RGS3: variants seen among roughly 807,000 people sequenced by gnomAD.
RGS3 encodes regulator of G protein signaling 3.
In RGS3, 80 loss-of-function variants were observed where a neutral mutation model predicts 132.6. The observed-to-expected ratio is 0.60, with a 90% CI of 0.50 to 0.73. The LOEUF is 0.73. Among genes scored for constraint, RGS3 ranks in the 30% least tolerant of loss-of-function variants. The pLI, the probability that RGS3 is intolerant of heterozygous loss-of-function variation, is 0.00. For synonymous variants in RGS3, 598 were observed against 620.6 expected, an observed-to-expected ratio of 0.96 and a Z score of 0.54; for missense variants, 1,382 against 1,530.8, an observed-to-expected ratio of 0.90 and a Z score of 1.62.
At chr9:113,584,350 A>G (rs1476493033) in exon 20 of RGS3, 1 of 1,579,902 alleles carries the variant, frequency 6.3e-7, no homozygotes, top group Non-Finnish European at 8.6e-7. Flanking sequence ...GCCTTCGCCC[A>G]GCACCCTCAA....
intron 21 of RGS3, chr9:113,593,841 T>C: frequency 7.1e-7 from 1 of 1,410,734 alleles, no homozygotes; most frequent in Non-Finnish European, 9.7e-7. Context: ...TGGTGGGCAG[T>C]GCCTCCCCTG....
chr9:113,475,920 A>C (rs571873102), intron 3 of RGS3, among the ~76,000 whole-genome samples: 1 of 150,992 alleles, frequency 6.6e-6, no homozygotes, highest in African/African-American at 2.4e-5. Context: ...GCTGCCCTCT[A>C]TTTTTTTTCT....
chr9:113,519,002 C>T (rs1227548560), intron 16 of RGS3, among the ~76,000 whole-genome samples: 1 of 152,206 alleles, frequency 6.6e-6, no homozygotes, highest in Non-Finnish European at 1.5e-5. Context: ...ATTCACTCTT[C>T]TGTTTGTCCA....
chr9:113,593,769 C>T (rs1002592678), intron 21 of RGS3: 5 of 720,238 alleles, frequency 6.9e-6, no homozygotes, highest in Non-Finnish European at 1.2e-5. Context: ...CTGCTGCCTC[C>T]TTGGGGACCG....
At chr9:113,517,766 A>C in intron 16 of RGS3, 142 bp downstream of exon 14, 1 of 602,690 alleles carries the variant, frequency 1.7e-6, no homozygotes, top group Non-Finnish European at 2.9e-6. Flanking sequence ...GGACCCCGCC[A>C]CTCTCCCTAG....
intron 17 of RGS3, among the ~76,000 whole-genome samples, chr9:113,528,547 C>T (rs780082714): frequency 2.6e-5 from 4 of 152,222 alleles, no homozygotes; most frequent in African/African-American, 7.2e-5. Context: ...ATCACCTTCC[C>T]TCGGCGTTGA....
intron 19 of RGS3, among the ~76,000 whole-genome samples, chr9:113,568,091 A>C (rs1331654664): frequency 3.9e-5 from 6 of 152,254 alleles, no homozygotes; most frequent in Admixed American, 3.9e-4. Context: ...AACTATAGAT[A>C]GATAGATAGA....
chr9:113,537,578 T>G lies in RGS3; in HGVS notation c.2037+660T>G, dbSNP rs535020393. ...ATGCCAGCCACAAAGTACAGTTATATTACCCCATTTGTGAGTCATTCAGGT... is the reference window on the plus strand; with the variant it reads ...ATGCCAGCCACAAAGTACAGTTATAGTACCCCATTTGTGAGTCATTCAGGT... On this transcript the variant is annotated intron_variant, in intron 19 of 24. Coordinates refer to ENST00000350696, the Ensembl canonical transcript of RGS3. The surrounding 1 kb of genome is among the most constrained non-coding windows in gnomAD (Gnocchi z 4.3). 7.2e-5 allele frequency among the ~76,000 whole-genome samples: 11 copies of G among 152,330 alleles called. No individual in the cohort carries two copies. In the South Asian group the frequency reaches 1.7e-3, roughly 23 times the overall value.
intron 11 of RGS3, 124 bp downstream of exon 9, chr9:113,505,647 A>G (rs1361950744): frequency 1.4e-6 from 1 of 719,120 alleles, no homozygotes; most frequent in Non-Finnish European, 2.4e-6. Flanking sequence ...TTTCAAAATG[A>G]AAAGAATAAT....
Position 113,537,505 on chromosome 9 carries a change from G to A in RGS3, c.2037+587G>A, listed in dbSNP as rs1321211206. Among the ~76,000 whole-genome samples, 2 of 152,182 alleles carry A rather than the reference G, an allele frequency of 1.3e-5. No homozygotes were observed. Among genetic ancestry groups the A allele is most frequent in the Non-Finnish European group, 2.9e-5 (2 of 68,024 alleles). ...CAGCCCATCCAGTGCCTGGGGAGAG[G>A]GGATGGGATAGGAGCTGGACCACAC... On this transcript the variant is annotated intron_variant, in intron 19 of 24. Coordinates refer to ENST00000350696, the Ensembl canonical transcript of RGS3. The surrounding 1 kb of genome is among the most constrained non-coding windows in gnomAD (Gnocchi z 4.3).
chr9:113,512,656 T>G (rs1177237167), intron 14 of RGS3, among the ~76,000 whole-genome samples: 1 of 152,132 alleles, frequency 6.6e-6, no homozygotes, highest in African/African-American at 2.4e-5. Context: ...AGGCCACCTG[T>G]TCCCCCCTCG....
chr9:113,559,684 G>A (rs1833712795), intron 19 of RGS3, among the ~76,000 whole-genome samples: 1 of 152,204 alleles, frequency 6.6e-6, no homozygotes, highest in African/African-American at 2.4e-5. Flanking sequence ...CATGCTGCCT[G>A]CTGGGCTTCC....
Position 113,463,828 on chromosome 9 carries a change from C to G in RGS3, c.415+1627C>G. The G allele has an allele frequency of 6.2e-7, 1 of 1,612,978 alleles. No individual in the cohort carries two copies. Among genetic ancestry groups the G allele is most frequent in the African/African-American group, 1.3e-5 (1 of 75,042 alleles). On this transcript the variant is annotated intron_variant, in intron 3 of 24. Transcript: ENST00000350696. The surrounding 1 kb of genome is among the most constrained non-coding windows in gnomAD (Gnocchi z 4.6). ...ATGGAGCGCTCCCTGCACCGCGTCT[C>G]CCTCGGGAGCCGGCGTGCCCACCCG...
chr9:113,511,038 A>G lies in RGS3; in HGVS notation c.1477+2458A>G, dbSNP rs769056871. ...CCTTCAGGAGTGTTGGGTCATCCTGAGTTGAATAGGAGGGAGAGTTAAGCC... is the reference window on the plus strand; with the variant it reads ...CCTTCAGGAGTGTTGGGTCATCCTGGGTTGAATAGGAGGGAGAGTTAAGCC... On this transcript the variant is annotated intron_variant, in intron 14 of 24. Coordinates refer to ENST00000350696, the Ensembl canonical transcript of RGS3. Among the ~76,000 whole-genome samples, 95 of 152,110 alleles carry G rather than the reference A, an allele frequency of 6.2e-4. No homozygotes were observed. The Middle Eastern group carries it at 0.014, about 22-fold the overall frequency.
chr9:113,515,678 A>G (rs552432526), intron 15 of RGS3, among the ~76,000 whole-genome samples: 102 of 152,312 alleles, frequency 6.7e-4, no homozygotes, highest in Middle Eastern at 6.8e-3. Context: ...TATTTATTCC[A>G]TCACCCAGAT....
At chr9:113,576,476 C>T (rs763661886) in intron 19 of RGS3, among the ~76,000 whole-genome samples, 106 of 151,626 alleles carry the variant, frequency 7.0e-4, no homozygotes, top group Non-Finnish European at 1.2e-3. Flanking sequence ...GGATTACAGG[C>T]GCCCACCACC....
In RGS3 at chr9:113,463,832, C is replaced by T. The variant is rs1829539900; in HGVS notation, c.415+1631C>T. The T allele has an allele frequency of 4.3e-6, 7 of 1,612,984 alleles. No homozygotes were observed. The highest frequency in any genetic ancestry group is 5.9e-6 in the Non-Finnish European group (7 of 1,179,778). ...AGCGCTCCCTGCACCGCGTCTCCCT[C>T]GGGAGCCGGCGTGCCCACCCGGACT... On this transcript the variant is annotated intron_variant, in intron 3 of 24. Coordinates refer to ENST00000350696, the Ensembl canonical transcript of RGS3. This position sits in a 1 kb window ranked among gnomAD's most constrained non-coding sequence, Gnocchi z 4.6.
At position 113,503,194 on chromosome 9, in the gene RGS3, C is replaced by T. The variant is rs541890345; in HGVS notation, c.898-2248C>T. Among the ~76,000 whole-genome samples the T allele has an allele frequency of 1.1e-3, 168 of 152,302 alleles. 1 individual carries two copies. The highest frequency in any genetic ancestry group is 3.9e-3 in the African/African-American group (164 of 41,570). On this transcript the variant is annotated intron_variant, in intron 10 of 24. Coordinates refer to ENST00000350696, the Ensembl canonical transcript of RGS3. ...GCTCTGTCAGAAGCCGCCAAGGCCT[C>T]GGGGCAGGGCTGCTCCTTTCACCTC...
At chr9:113,462,137 A>T in exon 3 of RGS3, 3 of 1,614,124 alleles carry the variant, frequency 1.9e-6, no homozygotes, top group Non-Finnish European at 2.5e-6. Flanking sequence ...TGCCCAGAAG[A>T]GATGAGTGGA....
Sources: gnomAD v4.1 joint callset for allele counts (sites outside exome capture counted in the v4.1 genomes callset) on GRCh38, gnomAD v4.1.1 for gene constraint, Gnocchi (gnomAD v3.1) non-coding constraint, MANE v1.5 for transcripts, NCBI Gene and HGNC (gene_info 2026-07-23, HGNC 2026-07-21) for gene names.